FTCDNL1: variants seen among roughly 807,000 people sequenced by gnomAD.
FTCDNL1 encodes formiminotransferase N-terminal subdomain-containing protein.
FTCDNL1 carries 11 observed loss-of-function variants against 5.9 expected under a neutral mutation model. That is an observed-to-expected ratio of 1.87 (90% CI 1.18 to 3.10). The LOEUF is 3.10. FTCDNL1 is among the 30% of genes most tolerant of loss of function. The pLI is 0.00. For synonymous variants in FTCDNL1, 58 were observed against 24.8 expected (o/e 2.34, Z -3.99); for missense variants, 115 against 65.5 (o/e 1.76, Z -2.61).
chr2:199,711,755 T>C, the FTCDNL1 span, among the ~76,000 whole-genome samples: 1 of 152,158 alleles, frequency 6.6e-6, no homozygotes, highest in African/African-American at 2.4e-5. Context: ...CAAGTAGCAA[T>C]GGAGCTGTCA....
chr2:199,669,079 G>A, the FTCDNL1 span, among the ~76,000 whole-genome samples: 31 of 152,198 alleles, frequency 2.0e-4, no homozygotes, highest in African/African-American at 7.5e-4. Flanking sequence ...TATTTCGCGG[G>A]TTTGGGGAAT....
chr2:199,686,131 T>C, the FTCDNL1 span, among the ~76,000 whole-genome samples: 4 of 152,250 alleles, frequency 2.6e-5, no homozygotes, highest in Admixed American at 2.6e-4. Context: ...CTATCTCCGC[T>C]GTTCAGCGTG....
chr2:199,767,435 T>C (rs1178003634), intron 3 of FTCDNL1, among the ~76,000 whole-genome samples: 2 of 152,208 alleles, frequency 1.3e-5, no homozygotes, highest in African/African-American at 4.8e-5. Context: ...CTTTCATCTA[T>C]TGGTATTAAC....
intron 3 of FTCDNL1, among the ~76,000 whole-genome samples, chr2:199,778,915 G>A (rs1234378518): frequency 1.3e-5 from 2 of 152,080 alleles, no homozygotes. Context: ...AATAGCTCAG[G>A]GAAGCCTTTC....
At chr2:199,722,981 G>T in the FTCDNL1 span, among the ~76,000 whole-genome samples, 2 of 151,790 alleles carry the variant, frequency 1.3e-5, no homozygotes, top group Non-Finnish European at 2.9e-5. Flanking sequence ...TAGTTCTGGG[G>T]TGCATGTGCA....
the FTCDNL1 span, among the ~76,000 whole-genome samples, chr2:199,723,957 T>C: frequency 1.3e-5 from 2 of 152,170 alleles, no homozygotes; most frequent in Admixed American, 1.3e-4. Flanking sequence ...TCAGAAGAAA[T>C]GGTACCAGCT....
At chr2:199,789,023 G>GA (rs36045224) in intron 3 of FTCDNL1, among the ~76,000 whole-genome samples, 11,086 of 138,148 alleles carry the variant, frequency 0.08, 1,014 homozygotes, top group East Asian at 0.32. Flanking sequence ...CTATCATTAC[G>GA]AAAAAAAAAA....
rs1270714611 is a variant in FTCDNL1 at position 199,850,877 on chromosome 2, CCCAGGA to C, written c.-151_-146del. ...CCGACTAGGTTCCTGGGTGGAGTGT[CCCAGGA>C]CCACGTGGGCTGAAAGGGAACCCGA... On this transcript the variant is annotated 5_prime_UTR_variant, in exon 1 of 5. Coordinates refer to ENST00000420128, the MANE Select transcript of FTCDNL1 (RefSeq NM_001363886.2). 1 of 152,188 alleles carries C rather than the reference CCCAGGA, an allele frequency of 6.6e-6. No homozygotes were observed. Among genetic ancestry groups the C allele is most frequent in the Non-Finnish European group, 1.5e-5 (1 of 68,056 alleles). The allele number at this position is 152,188 out of a possible 1,614,324, so 9.4% of individuals were successfully genotyped here.
At chr2:199,731,909 A>AGGAGAAG in the FTCDNL1 span, among the ~76,000 whole-genome samples, 1 of 151,454 alleles carries the variant, frequency 6.6e-6, no homozygotes, top group East Asian at 1.9e-4. Flanking sequence ...AAAATCCCCT[A>AGGAGAAG]GGAGAAGTCA....
chr2:199,782,201 G>C (rs1574491626), intron 3 of FTCDNL1, among the ~76,000 whole-genome samples: 1 of 152,168 alleles, frequency 6.6e-6, no homozygotes, highest in South Asian at 2.1e-4. Flanking sequence ...GATCCATTTG[G>C]ATTTTTCAGG....
chr2:199,667,537 G>A, the FTCDNL1 span, among the ~76,000 whole-genome samples: 7 of 152,120 alleles, frequency 4.6e-5, no homozygotes, highest in Non-Finnish European at 1.0e-4. Flanking sequence ...TGGCATGCAC[G>A]TAGTGGGAGG....
chr2:199,669,124 A>G, the FTCDNL1 span, among the ~76,000 whole-genome samples: 1 of 152,194 alleles, frequency 6.6e-6, no homozygotes, highest in Non-Finnish European at 1.5e-5. Flanking sequence ...AATAAATTCA[A>G]CTTAACTGAA....
chr2:199,796,796 A>T (rs79026875), intron 3 of FTCDNL1, among the ~76,000 whole-genome samples: 3,266 of 152,260 alleles, frequency 0.021, 39 homozygotes, highest in African/African-American at 0.028. Flanking sequence ...AATCTACACC[A>T]AAATGTCCTT....
the FTCDNL1 span, among the ~76,000 whole-genome samples, chr2:199,739,538 G>C: frequency 2.0e-5 from 3 of 152,168 alleles, no homozygotes; most frequent in Non-Finnish European, 2.9e-5. Flanking sequence ...GTATGCTTAT[G>C]TGAAAGAACA....
downstream of FTCDNL1, among the ~76,000 whole-genome samples, chr2:199,805,143 G>A (rs1351435901): frequency 6.6e-6 from 1 of 152,170 alleles, no homozygotes; most frequent in African/African-American, 2.4e-5. Context: ...AAGAGTCACT[G>A]CTGAAGTGGG....
intron 3 of FTCDNL1, among the ~76,000 whole-genome samples, chr2:199,835,891 G>A (rs1702700859): frequency 6.6e-6 from 1 of 152,180 alleles, no homozygotes; most frequent in Non-Finnish European, 1.5e-5. Context: ...GCCCCCTGGG[G>A]CTCCCTTTGT....
the FTCDNL1 span, among the ~76,000 whole-genome samples, chr2:199,719,286 T>C: frequency 4.8e-3 from 737 of 152,316 alleles, 3 homozygotes; most frequent in Admixed American, 7.7e-3. Flanking sequence ...GCACCACTTA[T>C]TGAATAAAGT....
chr2:199,820,817 C>A (rs1212188789), intron 3 of FTCDNL1, among the ~76,000 whole-genome samples: 1 of 152,134 alleles, frequency 6.6e-6, no homozygotes, highest in Admixed American at 6.5e-5. Flanking sequence ...ATTATAGTCC[C>A]CTGTAAGCAA....
intron 3 of FTCDNL1, among the ~76,000 whole-genome samples, chr2:199,828,143 T>C (rs1702144313): frequency 6.6e-6 from 1 of 152,182 alleles, no homozygotes; most frequent in Non-Finnish European, 1.5e-5. Flanking sequence ...GGAAAACAAA[T>C]TTAGATGGCC....
Sources: gnomAD v4.1 joint callset for allele counts (sites outside exome capture counted in the v4.1 genomes callset) on GRCh38, gnomAD v4.1.1 for gene constraint, MANE v1.5 for transcripts, NCBI Gene and HGNC (gene_info 2026-07-23, HGNC 2026-07-21) for gene names.